The following NAALADL2 variants were observed in gnomAD, a reference collection of about 807,000 sequenced individuals.
NAALADL2 encodes the protein N-acetylated alpha-linked acidic dipeptidase like 2.
NAALADL2 carries 76 observed loss-of-function variants against 87.2 expected under a neutral mutation model. The ratio of observed to expected loss-of-function variants is 0.87; its 90% CI spans 0.72 to 1.05. The LOEUF is 1.05. Ranked by LOEUF, NAALADL2 falls within the 50% of genes least tolerant of loss-of-function variation. NAALADL2 has a pLI of 0.00. For synonymous variants in NAALADL2, 354 were observed against 331.0 expected (o/e 1.07, Z -0.75); for missense variants, 1,089 against 945.8 (o/e 1.15, Z -1.99).
intron 6 of NAALADL2, among the ~76,000 whole-genome samples, chr3:175,455,351 T>C (rs1056018340): frequency 6.6e-6 from 1 of 152,048 alleles, no homozygotes; most frequent in Non-Finnish European, 1.5e-5. Flanking sequence ...ATAGAAAATA[T>C]GCAGCAAAGA....
chr3:175,744,429 G>C (rs1233901560), intron 12 of NAALADL2, among the ~76,000 whole-genome samples: 1 of 152,160 alleles, frequency 6.6e-6, no homozygotes, highest in Non-Finnish European at 1.5e-5. Flanking sequence ...AATTCCTTGG[G>C]TCTCCCTGTC....
intron 2 of NAALADL2, among the ~76,000 whole-genome samples, chr3:175,168,821 T>TA: frequency 6.6e-6 from 1 of 151,966 alleles, no homozygotes; most frequent in Non-Finnish European, 1.5e-5. Context: ...ATTGAATTAT[T>TA]AAAAATATGC....
chr3:174,751,391 A>C (rs1734802385), intron 3 of NAALADL2, among the ~76,000 whole-genome samples: 1 of 152,146 alleles, frequency 6.6e-6, no homozygotes, highest in Non-Finnish European at 1.5e-5. Flanking sequence ...GGCCAGACGC[A>C]GTTGCTCACG....
chr3:175,242,474 A>G (rs1236783378), intron 3 of NAALADL2: 2 of 152,214 alleles, frequency 1.3e-5, no homozygotes, highest in African/African-American at 4.8e-5. Context: ...GTTTAAACAC[A>G]TTAGTCCAAG....
At chr3:174,944,006 G>A (rs977225629) in intron 1 of NAALADL2, among the ~76,000 whole-genome samples, 4 of 152,116 alleles carry the variant, frequency 2.6e-5, no homozygotes, top group African/African-American at 7.2e-5. Context: ...GTGAGGAGAT[G>A]TAGGAACAGG....
At chr3:175,370,192 A>T (rs1437565110) in intron 5 of NAALADL2, among the ~76,000 whole-genome samples, 3 of 152,184 alleles carry the variant, frequency 2.0e-5, no homozygotes, top group African/African-American at 7.2e-5. Flanking sequence ...ATATGACTCT[A>T]TGCATTTCTC....
intron 2 of NAALADL2, among the ~76,000 whole-genome samples, chr3:175,198,017 C>A (rs1338061074): frequency 6.6e-6 from 1 of 151,966 alleles, no homozygotes; most frequent in African/African-American, 2.4e-5. Flanking sequence ...ATTTTTGATA[C>A]TTTAACAATT....
At chr3:175,267,807 C>A (rs1752186169) in intron 4 of NAALADL2, among the ~76,000 whole-genome samples, 1 of 152,076 alleles carries the variant, frequency 6.6e-6, no homozygotes, top group Non-Finnish European at 1.5e-5. Flanking sequence ...AGAATCTGAA[C>A]AATTATATGG....
chr3:174,853,578 A>G (rs1453017415), intron 3 of NAALADL2, among the ~76,000 whole-genome samples: 3 of 152,036 alleles, frequency 2.0e-5, no homozygotes, highest in South Asian at 2.1e-4. Flanking sequence ...GAAGGAAACA[A>G]TCTACAAACT....
rs1719308828 is a variant in NAALADL2, at chr3:174,805,136, T to C, written c.-9+67390T>C. 1.3e-5 allele frequency among the ~76,000 whole-genome samples: 2 copies of C among 152,152 alleles called. 1 individual carries two copies. Among genetic ancestry groups the C allele is most frequent in the South Asian group, 4.1e-4 (2 of 4,828 alleles). Reference sequence around the variant, plus strand: ...CTCAAACCATGTTAGCTGCTTCTACTAGTAATTACTCTGGGAATCTTTTAT... The same window carrying C: ...CTCAAACCATGTTAGCTGCTTCTACCAGTAATTACTCTGGGAATCTTTTAT... On this transcript the variant is annotated intron_variant, in intron 3 of 3. Transcript: ENST00000434257.
At chr3:174,550,447 A>G (rs534101168) in intron 1 of NAALADL2, 103 of 152,222 alleles carry the variant, frequency 6.8e-4, no homozygotes, top group African/African-American at 2.5e-3. Context: ...ATTCTGCAAC[A>G]TAATTATTCT....
At chr3:175,271,328 A>T (rs115867405) in intron 4 of NAALADL2, among the ~76,000 whole-genome samples, 6,005 of 152,012 alleles carry the variant, frequency 0.04, 394 homozygotes, top group African/African-American at 0.14. Flanking sequence ...AAATAGATTT[A>T]AAAAAAATTG....
At chr3:175,682,153 C>A (rs796542221) in intron 11 of NAALADL2, among the ~76,000 whole-genome samples, 15 of 152,044 alleles carry the variant, frequency 9.9e-5, no homozygotes, top group African/African-American at 3.6e-4. Flanking sequence ...AATCTTTGCA[C>A]ACAAATGAAT....
intron 2 of NAALADL2, among the ~76,000 whole-genome samples, chr3:174,629,800 T>G (rs936988877): frequency 2.0e-5 from 3 of 152,222 alleles, no homozygotes; most frequent in Non-Finnish European, 2.9e-5. Context: ...ACAGAGACTA[T>G]GTGAGTCCTG....
chr3:175,683,697 A>T (rs1264424705), intron 11 of NAALADL2, among the ~76,000 whole-genome samples: 1 of 151,974 alleles, frequency 6.6e-6, no homozygotes, highest in Non-Finnish European at 1.5e-5. Context: ...AAATTTTGTT[A>T]TTTGTAAGTG....
chr3:175,404,531 T>A (rs2149070023), intron 5 of NAALADL2, among the ~76,000 whole-genome samples: 1 of 152,058 alleles, frequency 6.6e-6, no homozygotes, highest in East Asian at 1.9e-4. Context: ...ATGTAGAGAG[T>A]CAGAGAAGGT....
At chr3:175,292,116 T>G (rs116504280) in intron 4 of NAALADL2, among the ~76,000 whole-genome samples, 199 of 152,356 alleles carry the variant, frequency 1.3e-3, no homozygotes, top group African/African-American at 4.7e-3. Flanking sequence ...CTTCCCCATC[T>G]GATGCCCTTC....
intron 2 of NAALADL2, among the ~76,000 whole-genome samples, chr3:174,698,412 A>G (rs1178126559): frequency 2.6e-5 from 4 of 152,120 alleles, no homozygotes; most frequent in Non-Finnish European, 5.9e-5. Flanking sequence ...TTTTGAAGAT[A>G]ATATTCTACT....
chr3:174,809,250 G>A (rs13094842), intron 3 of NAALADL2, among the ~76,000 whole-genome samples: 7,340 of 152,230 alleles, frequency 0.048, 235 homozygotes, highest in Admixed American at 0.1. Flanking sequence ...GGCTCCATAT[G>A]CTTTGGAGGT....
Sources: allele counts gnomAD v4.1 joint callset (sites outside exome capture counted in the v4.1 genomes callset), GRCh38; gene constraint gnomAD v4.1.1; transcripts MANE v1.5; gene names NCBI Gene and HGNC (gene_info 2026-07-23, HGNC 2026-07-21).